Variants in CCDC30 observed in about 807,000 individuals in gnomAD.
CCDC30 encodes the protein coiled-coil domain-containing protein 30.
CCDC30 carries 70 observed loss-of-function variants against 100.2 expected under a neutral mutation model. The ratio of observed to expected loss-of-function variants is 0.70; its 90% confidence interval spans 0.58 to 0.85. The LOEUF is 0.85. Ranked by LOEUF, CCDC30 falls within the 40% of genes least tolerant of loss-of-function variation. The pLI is 0.00. For missense variants in CCDC30, 652 were observed against 771.2 expected (o/e 0.85, Z 1.83); for synonymous variants, 233 against 269.5 (o/e 0.86, Z 1.33).
intron 10 of CCDC30, chr1:42,590,181 T>C (rs1646157666): frequency 6.6e-6 from 1 of 152,292 alleles, no homozygotes; most frequent in Non-Finnish European, 1.5e-5. Context: ...ACCACCATGA[T>C]TGTTAGCTTC....
chr1:42,646,441 C>T, intron 15 of CCDC30, 124 bp downstream of exon 19: 1 of 1,215,528 alleles, frequency 8.2e-7, no homozygotes, highest in Non-Finnish European at 1.1e-6. Flanking sequence ...GGTAGTCAAA[C>T]AGATTCCCCA....
At chr1:42,656,534 G>A (rs1420033243), downstream of CCDC30, among the ~76,000 whole-genome samples, 3 of 152,136 alleles carry the variant, frequency 2.0e-5, no homozygotes, top group Admixed American at 6.5e-5. Context: ...GGGAGGCTGA[G>A]GCTCGAGAAT....
chr1:42,567,061 G>A (rs190029477), intron 7 of CCDC30, among the ~76,000 whole-genome samples: 2 of 152,166 alleles, frequency 1.3e-5, no homozygotes, highest in African/African-American at 4.8e-5. Context: ...TATACATTAA[G>A]GACTTAGTTT....
intron 6 of CCDC30, among the ~76,000 whole-genome samples, chr1:42,545,183 A>T (rs1197401271): frequency 7.1e-6 from 1 of 140,656 alleles, no homozygotes; most frequent in Non-Finnish European, 1.6e-5. Context: ...AAAAAAAAAA[A>T]AAAAAGGGAA....
intron 4 of CCDC30, chr1:42,492,314 C>G (rs1334737587): frequency 5.1e-6 from 1 of 197,792 alleles, no homozygotes; most frequent in Non-Finnish European, 1.0e-5. Context: ...AAGAGAAAAG[C>G]TTTGCCTATC....
At chr1:42,580,938 TCAAA>T (rs895772981) in intron 8 of CCDC30, 3 of 450,206 alleles carry the variant, frequency 6.7e-6, no homozygotes, top group Non-Finnish European at 1.3e-5. Context: ...GCATTATCTA[TCAAA>T]CAAACAAATA....
intron 9 of CCDC30, among the ~76,000 whole-genome samples, chr1:42,586,348 C>T (rs551571140): frequency 6.6e-6 from 1 of 152,070 alleles, no homozygotes; most frequent in South Asian, 2.1e-4. Flanking sequence ...GCTCTGTTGC[C>T]CAGGCTGGAA....
At chr1:42,553,032 T>G (rs766891867) in intron 6 of CCDC30, among the ~76,000 whole-genome samples, 8 of 152,130 alleles carry the variant, frequency 5.3e-5, no homozygotes, top group Non-Finnish European at 8.8e-5. Flanking sequence ...AGGGTGGAAA[T>G]CTAGGCTCCC....
At chr1:42,568,659 G>T (rs1645659125) in intron 7 of CCDC30, among the ~76,000 whole-genome samples, 1 of 151,946 alleles carries the variant, frequency 6.6e-6, no homozygotes, top group African/African-American at 2.4e-5. Context: ...AGGTGCAGTG[G>T]CTGACACCTA....
In CCDC30 at chr1:42,556,149, C is replaced by CA. The variant is rs764502962; in HGVS notation, c.457-10146dup. On this transcript the variant is annotated intron_variant, in intron 6 of 16. Coordinates refer to ENST00000668663, the Ensembl canonical transcript of CCDC30. ...TTGATAGATTTTATTCTTATATTTG[C>CA]ACCAAGTCCCAAATTAGGAGAAAGA... 2.2e-5 allele frequency: 36 copies of CA among 1,602,934 alleles called. No individual in the cohort carries two copies. The South Asian group carries it at 3.8e-4, about 17-fold the overall frequency.
chr1:42,491,429 G>A (rs1278478727), intron 4 of CCDC30, among the ~76,000 whole-genome samples: 1 of 151,888 alleles, frequency 6.6e-6, no homozygotes. Context: ...GACATAGAGA[G>A]CAGAAAGATT....
chr1:42,552,567 C>T (rs1291647974), intron 6 of CCDC30, among the ~76,000 whole-genome samples: 2 of 151,542 alleles, frequency 1.3e-5, no homozygotes, highest in African/African-American at 2.4e-5. Flanking sequence ...ATGGATTTTC[C>T]ATTTTTTAAA....
chr1:42,553,445 G>T (rs780851216), intron 6 of CCDC30, among the ~76,000 whole-genome samples: 12 of 151,754 alleles, frequency 7.9e-5, no homozygotes, highest in Non-Finnish European at 1.5e-4. Flanking sequence ...GGGGGAAAGT[G>T]TGTCTACTCC....
chr1:42,484,684 GAC>G lies in CCDC30; in HGVS notation c.169+1870_169+1871del, dbSNP rs145599960. Among the ~76,000 whole-genome samples the G allele has an allele frequency of 2.7e-3, 412 of 152,270 alleles. 3 individuals are homozygous for G. In the South Asian group the frequency reaches 0.032, roughly 12 times the overall value. On this transcript the variant is annotated intron_variant, in intron 3 of 16. Transcript: ENST00000668663. ...ATTTGTAGCTAGGCATGTGTTATAT[GAC>G]AGTGTTTCCCAAGTATTAGCTTGTT...
In CCDC30 at chr1:42,489,623, A is replaced by C. The variant is rs1644106055; in HGVS notation, c.170-535A>C. 2.0e-5 allele frequency among the ~76,000 whole-genome samples: 3 copies of C among 152,186 alleles called. No homozygotes were observed. The South Asian group carries it at 6.2e-4, about 31-fold the overall frequency. ...GTGATGAGGAGACCGTAGGAGACAA[A>C]GGGATAAAACCTGAAGTAGAGAGCC... On this transcript the variant is annotated intron_variant, in intron 3 of 16. Transcript: ENST00000668663.
chr1:42,474,003 T>C (rs1643847111), intron 1 of CCDC30, among the ~76,000 whole-genome samples: 5 of 152,064 alleles, frequency 3.3e-5, no homozygotes, highest in Admixed American at 3.3e-4. Flanking sequence ...CTCTCTTGGA[T>C]GTTTCCAATA....
At chr1:42,620,037 A>C (rs1257046611) in intron 11 of CCDC30, among the ~76,000 whole-genome samples, 2 of 152,210 alleles carry the variant, frequency 1.3e-5, no homozygotes. Context: ...TACAAAATGA[A>C]GTATATCTCA....
chr1:42,563,889 A>C (rs908547670), intron 6 of CCDC30, among the ~76,000 whole-genome samples: 1 of 152,032 alleles, frequency 6.6e-6, no homozygotes, highest in Non-Finnish European at 1.5e-5. Context: ...AAAAAAAAAA[A>C]GTGAGGCTTC....
At chr1:42,653,534 T>C in intron 16 of CCDC30, 91 bp downstream of exon 20, 1 of 831,678 alleles carries the variant, frequency 1.2e-6, no homozygotes, top group Non-Finnish European at 2.0e-6. Flanking sequence ...TAGTCCTGGA[T>C]TGCTGGCTTG....
Sources: allele counts gnomAD v4.1 joint callset (sites outside exome capture counted in the v4.1 genomes callset), GRCh38; gene constraint gnomAD v4.1.1; transcripts MANE v1.5; gene names NCBI Gene and HGNC (gene_info 2026-07-23, HGNC 2026-07-21).